THSD4: variants seen among roughly 807,000 people sequenced by gnomAD.
THSD4 encodes the protein thrombospondin type-1 domain-containing protein 4.
In THSD4, 69 loss-of-function variants were observed where a neutral mutation model predicts 119.0. That is an observed-to-expected ratio of 0.58 (90% confidence interval 0.48 to 0.71). The LOEUF (loss-of-function observed/expected upper bound fraction) is 0.71, where lower values mean the gene tolerates loss of function less well. Ranked by LOEUF, THSD4 falls within the 30% of genes least tolerant of loss-of-function variation. The pLI is 0.00. For missense variants in THSD4, 1,393 were observed against 1,391.1 expected (o/e 1.00, Z -0.02); for synonymous variants, 524 against 540.4 (o/e 0.97, Z 0.42).
intron 3 of THSD4, among the ~76,000 whole-genome samples, chr15:71,155,210 G>A (rs781160651): frequency 1.3e-5 from 2 of 152,200 alleles, no homozygotes; most frequent in Non-Finnish European, 2.9e-5. Context: ...GGAGGCCTCA[G>A]GAAACTTACA....
intron 7 of THSD4, among the ~76,000 whole-genome samples, chr15:71,630,941 A>C (rs1262573150): frequency 6.6e-6 from 1 of 152,094 alleles, no homozygotes; most frequent in African/African-American, 2.4e-5. Context: ...GCGTTGTAGG[A>C]TGTTTAGCAA....
At chr15:71,225,820 C>T (rs191617176) in intron 4 of THSD4, among the ~76,000 whole-genome samples, 126 of 152,190 alleles carry the variant, frequency 8.3e-4, no homozygotes, top group African/African-American at 2.8e-3. Flanking sequence ...GGATTACAGG[C>T]GTGAGCTACC....
chr15:71,314,544 T>A lies in THSD4; in HGVS notation c.1015+57829T>A, dbSNP rs58958607. Among the ~76,000 whole-genome samples, 1,116 of 152,290 alleles carry A rather than the reference T, an allele frequency of 7.3e-3. 16 individuals carry two copies. Among genetic ancestry groups the A allele is most frequent in the African/African-American group, 0.025 (1,056 of 41,556 alleles). ...CTGGTCTTGAACTCCTGACCTCTGATGGTCCATCTGTCTCGGCCTCCCAAA... is the reference window on the plus strand; with the variant it reads ...CTGGTCTTGAACTCCTGACCTCTGAAGGTCCATCTGTCTCGGCCTCCCAAA... On this transcript the variant is annotated intron_variant, in intron 6 of 17. Transcript: ENST00000261862.
intron 7 of THSD4, among the ~76,000 whole-genome samples, chr15:71,446,414 T>C (rs1334748841): frequency 1.3e-5 from 2 of 152,248 alleles, no homozygotes; most frequent in African/African-American, 2.4e-5. Context: ...CCACGGTCTT[T>C]AGGTCTCTGT....
chr15:71,276,153 G>T (rs1287076169), intron 6 of THSD4, among the ~76,000 whole-genome samples: 1 of 152,186 alleles, frequency 6.6e-6, no homozygotes, highest in Non-Finnish European at 1.5e-5. Flanking sequence ...GTGGGAAGGT[G>T]CACCCCTCTT....
At chr15:71,608,822 G>A (rs1337770919) in intron 7 of THSD4, among the ~76,000 whole-genome samples, 4 of 152,196 alleles carry the variant, frequency 2.6e-5, no homozygotes, top group Non-Finnish European at 5.9e-5. Context: ...CATGCAGTGA[G>A]TATTCTAATG....
chr15:71,288,138 G>A (rs992629027), intron 6 of THSD4, among the ~76,000 whole-genome samples: 5 of 152,030 alleles, frequency 3.3e-5, no homozygotes, highest in Middle Eastern at 3.2e-3. Context: ...CCACACAACC[G>A]TTTGCTTGGT....
intron 3 of THSD4, among the ~76,000 whole-genome samples, chr15:71,199,690 G>GCATGTGTGGTAT (rs1567154777): frequency 3.4e-5 from 2 of 59,124 alleles, no homozygotes; most frequent in Non-Finnish European, 4.7e-5. Flanking sequence ...GTGTGTGTGT[G>GCATGTGTGGTAT]GTGTGTGTGG....
At chr15:71,521,721 C>A (rs1041539632) in intron 7 of THSD4, among the ~76,000 whole-genome samples, 16 of 152,106 alleles carry the variant, frequency 1.1e-4, no homozygotes, top group African/African-American at 3.9e-4. Flanking sequence ...TTTTTTGACT[C>A]ACCTGGTGGA....
At chr15:71,497,161 G>A (rs577756685) in intron 7 of THSD4, among the ~76,000 whole-genome samples, 13 of 152,276 alleles carry the variant, frequency 8.5e-5, no homozygotes, top group African/African-American at 2.2e-4. Flanking sequence ...TTATACAGGC[G>A]AATGTTTTCC....
At chr15:71,274,572 C>T (rs1567178030) in intron 6 of THSD4, among the ~76,000 whole-genome samples, 4 of 152,108 alleles carry the variant, frequency 2.6e-5, no homozygotes, top group Admixed American at 6.5e-5. Context: ...CTTCTCCCAC[C>T]ACTGCTGCCA....
rs76898519 is a variant in THSD4 at position 71,532,039 on chromosome 15, G to T, written c.1152+120216G>T. Reference sequence around the variant, plus strand: ...TTTCTCCAAGTCCTCAGAAATTTCTGTAAGTCCTGCAGCCTAAAATACAGT... The same window carrying T: ...TTTCTCCAAGTCCTCAGAAATTTCTTTAAGTCCTGCAGCCTAAAATACAGT... On this transcript the variant is annotated intron_variant, in intron 7 of 17. Coordinates refer to ENST00000261862, the MANE Select transcript of THSD4 (RefSeq NM_024817.3). Among the ~76,000 whole-genome samples the T allele has an allele frequency of 2.0e-5, 3 of 151,780 alleles. No individual in the cohort carries two copies. The East Asian group carries it at 5.9e-4, about 30-fold the overall frequency.
intron 7 of THSD4, among the ~76,000 whole-genome samples, chr15:71,520,922 C>T (rs2048430807): frequency 6.6e-6 from 1 of 152,172 alleles, no homozygotes; most frequent in Admixed American, 6.5e-5. Flanking sequence ...CTTTGTAAAT[C>T]CCAAAAGAAT....
At chr15:71,292,462 T>C (rs1288082935) in intron 6 of THSD4, among the ~76,000 whole-genome samples, 1 of 152,148 alleles carries the variant, frequency 6.6e-6, no homozygotes, top group African/African-American at 2.4e-5. Flanking sequence ...TCCTTGTCTT[T>C]CCTATTTTCT....
At chr15:71,208,608 C>T (rs1235642533) in intron 3 of THSD4, among the ~76,000 whole-genome samples, 2 of 151,826 alleles carry the variant, frequency 1.3e-5, no homozygotes, top group Non-Finnish European at 2.9e-5. Context: ...GCCCCCTGGG[C>T]TCAAGTGATA....
chr15:71,642,721 G>A (rs376649450), intron 7 of THSD4, among the ~76,000 whole-genome samples: 17 of 151,104 alleles, frequency 1.1e-4, no homozygotes, highest in Admixed American at 2.6e-4. Context: ...AACACCGCAT[G>A]TTCTCACTCA....
At chr15:71,129,244 G>A (rs182839004) in intron 1 of THSD4, among the ~76,000 whole-genome samples, 1 of 152,212 alleles carries the variant, frequency 6.6e-6, no homozygotes, top group Non-Finnish European at 1.5e-5. Flanking sequence ...CTGAATGAGC[G>A]TGCAGGTCTT....
chr15:71,599,589 C>T (rs534616901), intron 7 of THSD4, among the ~76,000 whole-genome samples: 51 of 152,296 alleles, frequency 3.3e-4, no homozygotes, highest in Admixed American at 2.6e-3. Flanking sequence ...GAATGCTGCC[C>T]AAATACTAAC....
intron 6 of THSD4, among the ~76,000 whole-genome samples, chr15:71,349,821 G>T (rs1160624520): frequency 6.6e-6 from 1 of 152,146 alleles, no homozygotes; most frequent in Admixed American, 6.5e-5. Flanking sequence ...GGCAGCAGGG[G>T]TTTGTAAGGG....
Sources: gnomAD v4.1 joint callset for allele counts (sites outside exome capture counted in the v4.1 genomes callset) on GRCh38, gnomAD v4.1.1 for gene constraint, MANE v1.5 for transcripts, NCBI Gene and HGNC (gene_info 2026-07-23, HGNC 2026-07-21) for gene names.